The following ZDHHC19 variants were observed in gnomAD, a reference collection of about 807,000 sequenced individuals.
The protein encoded by ZDHHC19 is zDHHC palmitoyltransferase 19, also known as palmitoyltransferase ZDHHC19.
In ZDHHC19, 30 loss-of-function variants were observed where a neutral mutation model predicts 33.9. The observed-to-expected ratio is 0.88, with a 90% CI of 0.66 to 1.20. The LOEUF (loss-of-function observed/expected upper bound fraction) is 1.20. ZDHHC19 is among the 50% of genes most tolerant of loss of function. ZDHHC19 has a pLI of 0.00. For synonymous variants in ZDHHC19, 178 were observed against 167.6 expected (o/e 1.06, Z -0.48); for missense variants, 364 against 401.1 (o/e 0.91, Z 0.79).
At chr3:196,210,415 A>AAGGG (rs1393298084) in intron 2 of ZDHHC19, among the ~76,000 whole-genome samples, 1,325 of 123,414 alleles carry the variant, frequency 0.011, 45 homozygotes, top group African/African-American at 0.042. Flanking sequence ...GAGAGAGAGG[A>AAGGG]AGGAAGGAAA....
At chr3:196,204,857 A>G (rs1050241230) in intron 5 of ZDHHC19, among the ~76,000 whole-genome samples, 1 of 152,256 alleles carries the variant, frequency 6.6e-6, no homozygotes, top group African/African-American at 2.4e-5. Flanking sequence ...CTATAATCCC[A>G]GCACTTTGGG....
At chr3:196,206,977 C>T (rs1324306851) in intron 5 of ZDHHC19, among the ~76,000 whole-genome samples, 1 of 152,106 alleles carries the variant, frequency 6.6e-6, no homozygotes, top group Non-Finnish European at 1.5e-5. Context: ...CTGTCTCTCC[C>T]GAACCCCTAA....
chr3:196,198,199 TCC>T (rs1364956044), intron 7 of ZDHHC19, 75 bp downstream of exon 7: 1 of 1,318,944 alleles, frequency 7.6e-7, no homozygotes. Flanking sequence ...CTCAGGGGCC[TCC>T]CCCCACACCC....
At chr3:196,200,178 GA>G (rs1722150318) in intron 5 of ZDHHC19, among the ~76,000 whole-genome samples, 1 of 150,634 alleles carries the variant, frequency 6.6e-6, no homozygotes, top group South Asian at 2.1e-4. Context: ...GGGAGGCTGG[GA>G]TGAGAGGATC....
At chr3:196,207,614 G>C (rs1722856009) in intron 4 of ZDHHC19, 111 bp from the exon 5 acceptor site, 2 of 146,868 alleles carry the variant, frequency 1.4e-5, no homozygotes, top group Non-Finnish European at 2.1e-5. Flanking sequence ...CCTCAGGCCC[G>C]ACTCCGCCCC....
At position 196,198,307 on chromosome 3, in the gene ZDHHC19, G is replaced by A. The variant is rs777163057; in HGVS notation, c.918C>T (p.Pro306=). The change falls in exon 7 of 8, where the codon CCC becomes CCT. Residue 306 remains proline (P), a synonymous_variant. Coordinates refer to ENST00000296326, the MANE Select transcript of ZDHHC19 (RefSeq NM_001039617.2). ...GAGAGCTGCAGCCTCACCACGCCCC[G>A]GGGGTCCCTTCCCTGCTTTGTAGGG... The part of the protein sequence containing the change: ...SGSLQSREGT[P]GAW 38 of 1,500,874 alleles carry A rather than the reference G, an allele frequency of 2.5e-5. No homozygotes were observed. The highest frequency in any genetic ancestry group is 1.7e-4 in the South Asian group (12 of 72,170). The allele number at this position is 1,500,874 out of a possible 1,614,324, so 93.0% of individuals were successfully genotyped here. A position where few individuals can be genotyped will look rare whatever the true frequency, so the allele number is the denominator to read the frequency against.
In ZDHHC19 at chr3:196,198,792, G is replaced by T. The variant is rs1483418944; in HGVS notation, c.770C>A (p.Pro257His). ...GGCCTCTGGCTTGCCAACTCACTTG[G>T]GTCCCAGTGGTGCACAAATTGTTAA... The part of the protein sequence containing the change: ...WYLTICAPLG[P>H]KYMAEAVQLQ... Residue 257 changes from proline to histidine, a missense_variant, in exon 6 of 8, where the codon CCC (proline) becomes CAC (histidine). By Grantham distance (77) the Pro-to-His change is moderately conservative. Transcript: ENST00000296326. The T allele has an allele frequency of 6.2e-7, 1 of 1,614,044 alleles. No homozygotes were observed. The highest frequency in any genetic ancestry group is 1.7e-5 in the Admixed American group (1 of 60,020).
rs199911529 is a variant in ZDHHC19 at position 196,198,669 on chromosome 3, AC to A, written c.773+119del. ...CAGAGCTCCCAGTGCCCTGGAGAAAACCCCAGAGGAGCAGGAACAGTGAGTG... is the reference window on the plus strand; with the variant it reads ...CAGAGCTCCCAGTGCCCTGGAGAAAACCCAGAGGAGCAGGAACAGTGAGTG... On this transcript the variant is annotated intron_variant, in intron 6 of 7. Transcript: ENST00000296326. 4,213 of 1,583,136 alleles carry A rather than the reference AC, an allele frequency of 2.7e-3. 94 individuals are homozygous for A. The African/African-American group carries it at 0.051, about 19-fold the overall frequency.
At chr3:196,210,268 G>GAGAA (rs59234849) in intron 2 of ZDHHC19, among the ~76,000 whole-genome samples, 27,508 of 119,018 alleles carry the variant, frequency 0.23, 4,102 homozygotes, top group East Asian at 0.43. Context: ...AGAAAGAAAA[G>GAGAA]AGAAAGAAAG....
intron 3 of ZDHHC19, chr3:196,208,912 C>A (rs1722995915): frequency 3.3e-6 from 1 of 307,302 alleles, no homozygotes. Context: ...ACAGTAACAC[C>A]CTTGCCCAGC....
At chr3:196,199,516 G>A (rs76934383) in intron 5 of ZDHHC19, 4,342 of 157,434 alleles carry the variant, frequency 0.028, 78 homozygotes, top group East Asian at 0.067. Flanking sequence ...AGGACAGCTG[G>A]CACTCACTGG....
In ZDHHC19 at chr3:196,197,507, G is replaced by A. The variant is rs112579116; in HGVS notation, c.*238C>T. The A allele has an allele frequency of 0.071, 10,759 of 152,498 alleles. 454 individuals carry two copies. The highest frequency in any genetic ancestry group is 0.19 in the Middle Eastern group (56 of 300). 9.4% of individuals were successfully genotyped at this position (152,498 alleles called of 1,614,324 possible). A position where few individuals can be genotyped will look rare whatever the true frequency, so the allele number is the denominator to read the frequency against. On this transcript the variant is annotated 3_prime_UTR_variant, in exon 8 of 8. Transcript: ENST00000296326. This position sits in a 1 kb window ranked among gnomAD's most constrained non-coding sequence, Gnocchi z 4.4. ...TTGAGGGTCTTGGCAGTCCCACCAGGGGAGTGGGCAAAGGGCAAGGCACAG... is the reference window on the plus strand; with the variant it reads ...TTGAGGGTCTTGGCAGTCCCACCAGAGGAGTGGGCAAAGGGCAAGGCACAG...
intron 5 of ZDHHC19, among the ~76,000 whole-genome samples, chr3:196,200,648 CT>C (rs1377477678): frequency 7.0e-6 from 1 of 142,246 alleles, no homozygotes; most frequent in Non-Finnish European, 1.5e-5. Context: ...GCCACCACGC[CT>C]GGCCTTTTTT....
In ZDHHC19 at chr3:196,209,484, G is replaced by C; in HGVS notation, c.300C>G (p.His100Gln). 6.2e-7 allele frequency: 1 copy of C among 1,612,940 alleles called. No homozygotes were observed. Among genetic ancestry groups the C allele is most frequent in the Non-Finnish European group, 8.5e-7 (1 of 1,179,736 alleles). Residue 100 changes from histidine to glutamine, a missense_variant, in exon 3 of 8, where the codon CAC (histidine) becomes CAG (glutamine). Transcript: ENST00000296326. ...GSAEQGPLTV[H>Q]VVWVNHGAFR... ...AGGCCCCGTGGTTCACCCACACCAC[G>C]TGCACCGTCAAGGGGCCCTGCTCAG...
chr3:196,198,230 C>T (rs1333959328), intron 7 of ZDHHC19, 46 bp downstream of exon 7: 30 of 1,428,828 alleles, frequency 2.1e-5, no homozygotes, highest in African/African-American at 4.3e-5. Flanking sequence ...TGCAGACACC[C>T]CCCTCCCGAC....
chr3:196,200,562 G>T lies in ZDHHC19; in HGVS notation c.688-1688C>A, dbSNP rs551688330. On this transcript the variant is annotated intron_variant, in intron 5 of 7. Transcript: ENST00000296326. ...GTAGAGACGGGGTTTCACCGTGTTA[G>T]CCAGGATGGTCTCGATCTCCTGACC... is the stretch of plus-strand genomic sequence containing the variant. Among the ~76,000 whole-genome samples, 4 of 148,812 alleles carry T rather than the reference G, an allele frequency of 2.7e-5. 1 individual carries two copies. The highest frequency in any genetic ancestry group is 2.1e-4 in the South Asian group (1 of 4,794).
chr3:196,203,731 A>G lies in ZDHHC19; in HGVS notation c.687+3667T>C, dbSNP rs1041263719. On this transcript the variant is annotated intron_variant, in intron 5 of 7. Transcript: ENST00000296326. The surrounding 1 kb of genome is among the most constrained non-coding windows in gnomAD (Gnocchi z 4.3). Reference sequence around the variant, plus strand: ...GATGTGAGAAGGGCGAAGGCTGCCCAGAAAAGGCTGAAACGATGCACTGAG... The same window carrying G: ...GATGTGAGAAGGGCGAAGGCTGCCCGGAAAAGGCTGAAACGATGCACTGAG... 6.6e-6 allele frequency among the ~76,000 whole-genome samples: 1 copy of G among 152,226 alleles called. No individual in the cohort carries two copies. The highest frequency in any genetic ancestry group is 1.5e-5 in the Non-Finnish European group (1 of 68,034).
Position 196,198,303 on chromosome 3 carries a change from C to A in ZDHHC19, c.922G>T (p.Ala308Ser), listed in dbSNP as rs778397429. 12 of 1,504,312 alleles carry A rather than the reference C, an allele frequency of 8.0e-6. No homozygotes were observed. In the Admixed American group the frequency reaches 2.8e-4, roughly 35 times the overall value. The allele number at this position is 1,504,312 out of a possible 1,614,324, so 93.2% of individuals were successfully genotyped here. A position where few individuals can be genotyped will look rare whatever the true frequency, so the allele number is the denominator to read the frequency against. ...CCTGGAGAGCTGCAGCCTCACCACG[C>A]CCCGGGGGTCCCTTCCCTGCTTTGT... ...SLQSREGTPG[A>S]W The change falls in exon 7 of 8, where the codon GCG becomes TCG. Residue 308 changes from alanine (A) to serine (S), a missense_variant. Coordinates refer to ENST00000296326, the MANE Select transcript of ZDHHC19 (RefSeq NM_001039617.2).
chr3:196,205,027 A>G (rs923769994), intron 5 of ZDHHC19, among the ~76,000 whole-genome samples: 2 of 152,114 alleles, frequency 1.3e-5, no homozygotes, highest in African/African-American at 4.8e-5. Context: ...GATCACTTGA[A>G]TCTGGGAGGT....
Sources: gnomAD v4.1 joint callset for allele counts (sites outside exome capture counted in the v4.1 genomes callset) on GRCh38, gnomAD v4.1.1 for gene constraint, Gnocchi (gnomAD v3.1) non-coding constraint, MANE v1.5 for transcripts, NCBI Gene and HGNC (gene_info 2026-07-23, HGNC 2026-07-21) for gene names.